The following OSER1 variants were observed in gnomAD, a reference collection of about 807,000 sequenced individuals.
OSER1 encodes oxidative stress-responsive serine-rich protein 1.
Under a neutral mutation model 26.3 loss-of-function variants are expected in OSER1, and 15 were observed. That is an observed-to-expected ratio of 0.57 (90% confidence interval 0.38 to 0.88). The LOEUF is 0.88. OSER1 is among the 40% of genes least tolerant of loss of function. The pLI, the probability that OSER1 is intolerant of heterozygous loss-of-function variation, is 0.00. For missense variants in OSER1, 313 were observed against 353.9 expected, an observed-to-expected ratio of 0.88 and a Z score of 0.93; for synonymous variants, 127 against 128.2, an observed-to-expected ratio of 0.99 and a Z score of 0.07.
At chr20:44,207,112 T>G (rs898734511) in intron 1 of OSER1, 114 bp from the exon 2 acceptor site, 37 of 564,164 alleles carry the variant, frequency 6.6e-5, no homozygotes, top group Non-Finnish European at 1.1e-4. Flanking sequence ...GAAGTTTCAG[T>G]GTAGATAACT....
At chr20:44,198,100 A>C (rs1292286048) in intron 3 of OSER1, among the ~76,000 whole-genome samples, 4 of 152,196 alleles carry the variant, frequency 2.6e-5, no homozygotes, top group African/African-American at 9.6e-5. Flanking sequence ...CGATCCTGTG[A>C]AGCCTAAATA....
Position 44,195,959 on chromosome 20 carries a change from G to A in OSER1, c.*1093C>T, listed in dbSNP as rs932500740. On this transcript the variant is annotated 3_prime_UTR_variant, in exon 4 of 4. Transcript: ENST00000255174. Reference sequence around the variant, plus strand: ...CGCAGTTTTAGTAAATAGTATAAATGTATTTTGTAATTTAAACAAAAGCTT... The same window carrying A: ...CGCAGTTTTAGTAAATAGTATAAATATATTTTGTAATTTAAACAAAAGCTT... Among the ~76,000 whole-genome samples the A allele has an allele frequency of 3.3e-5, 5 of 152,160 alleles. No homozygotes were observed. The highest frequency in any genetic ancestry group is 9.7e-5 in the African/African-American group (4 of 41,412).
intron 1 of OSER1, among the ~76,000 whole-genome samples, chr20:44,209,629 G>C (rs535407994): frequency 3.2e-4 from 48 of 152,254 alleles, no homozygotes; most frequent in African/African-American, 9.9e-4. Flanking sequence ...AATCACACCA[G>C]GCAATTTAAC....
intron 3 of OSER1, among the ~76,000 whole-genome samples, chr20:44,199,137 T>C (rs1207163051): frequency 6.6e-6 from 1 of 152,172 alleles, no homozygotes; most frequent in African/African-American, 2.4e-5. Context: ...ACGAAGTGCT[T>C]CTGCTGTGGT....
At chr20:44,204,232 T>G (rs2073017106) in intron 2 of OSER1, among the ~76,000 whole-genome samples, 1 of 152,218 alleles carries the variant, frequency 6.6e-6, no homozygotes, top group South Asian at 2.1e-4. Flanking sequence ...CAAATACCAC[T>G]AAGGAAAACC....
At chr20:44,202,929 G>T in intron 3 of OSER1, 32 bp downstream of exon 3, 1 of 1,200,346 alleles carries the variant, frequency 8.3e-7, no homozygotes, top group Non-Finnish European at 1.2e-6. Context: ...TATAATATTG[G>T]AATAAAAATC....
intron 3 of OSER1, among the ~76,000 whole-genome samples, chr20:44,201,145 G>A (rs1310292479): frequency 1.3e-5 from 2 of 152,202 alleles, no homozygotes; most frequent in African/African-American, 2.4e-5. Flanking sequence ...TGTGCTCTAA[G>A]CACTATGCTG....
intron 2 of OSER1, among the ~76,000 whole-genome samples, chr20:44,206,204 T>C (rs2073036682): frequency 6.6e-6 from 1 of 152,218 alleles, no homozygotes; most frequent in African/African-American, 2.4e-5. Context: ...TACTTGTGGG[T>C]GTTCTACTCT....
intron 1 of OSER1, among the ~76,000 whole-genome samples, chr20:44,209,841 T>A (rs1272245184): frequency 6.6e-6 from 1 of 151,932 alleles, no homozygotes; most frequent in Non-Finnish European, 1.5e-5. Flanking sequence ...CTAAGAACGA[T>A]CAAGAAGGGA....
rs1223702201 is a variant in OSER1, at chr20:44,196,202, T to C, written c.*850A>G. On this transcript the variant is annotated 3_prime_UTR_variant, in exon 4 of 4. Coordinates refer to ENST00000255174, the MANE Select transcript of OSER1 (RefSeq NM_016470.8). ...GGGATACAGAATGTACAAAATTCTC[T>C]TTTAGGGTTGCTGGGGTGACAGGGC... Among the ~76,000 whole-genome samples the C allele has an allele frequency of 6.6e-6, 1 of 151,988 alleles. No individual in the cohort carries two copies. The highest frequency in any genetic ancestry group is 6.6e-5 in the Admixed American group (1 of 15,238).
At chr20:44,210,856 C>G (rs1486693048), upstream of OSER1, 3 of 152,438 alleles carry the variant, frequency 2.0e-5, no homozygotes, top group African/African-American at 7.2e-5. Flanking sequence ...ACCCCTCCCC[C>G]TGCTTATGCT....
At chr20:44,209,293 C>T (rs2073072329) in intron 1 of OSER1, among the ~76,000 whole-genome samples, 1 of 152,204 alleles carries the variant, frequency 6.6e-6, no homozygotes, top group Non-Finnish European at 1.5e-5. Flanking sequence ...AAACCATTTT[C>T]AGACTTCCAG....
intron 1 of OSER1, among the ~76,000 whole-genome samples, chr20:44,208,946 A>G (rs1458987648): frequency 6.6e-6 from 1 of 152,192 alleles, no homozygotes; most frequent in Non-Finnish European, 1.5e-5. Flanking sequence ...GCAGAAATTC[A>G]TTTCTTTCAC....
At chr20:44,207,827 T>G (rs536922423) in intron 1 of OSER1, among the ~76,000 whole-genome samples, 1 of 152,298 alleles carries the variant, frequency 6.6e-6, no homozygotes, top group African/African-American at 2.4e-5. Context: ...CTCCATATTT[T>G]CCACCTGATT....
Position 44,210,728 on chromosome 20 carries a change from G to C in OSER1, c.-74C>G, listed in dbSNP as rs759301750. ...CAGCTGGGACGCTCCGGTGATGCGG[G>C]GCAGTCAGTTCAGAGCGTCTCTCCC... On this transcript the variant is annotated 5_prime_UTR_variant, in exon 1 of 4. Coordinates refer to ENST00000255174, the MANE Select transcript of OSER1 (RefSeq NM_016470.8). 1.3e-5 allele frequency: 2 copies of C among 152,380 alleles called. No individual in the cohort carries two copies. The highest frequency in any genetic ancestry group is 4.8e-5 in the African/African-American group (2 of 41,476). The allele number at this position is 152,380 out of a possible 1,614,324, so 9.4% of individuals were successfully genotyped here.
At chr20:44,202,886 T>G (rs920718943) in intron 3 of OSER1, 75 bp downstream of exon 3, 3 of 803,312 alleles carry the variant, frequency 3.7e-6, no homozygotes, top group African/African-American at 3.4e-5. Flanking sequence ...CTAACTCTTT[T>G]CTGGACACTC....
At chr20:44,210,002 A>T (rs1166886565) in intron 1 of OSER1, 3 of 152,372 alleles carry the variant, frequency 2.0e-5, no homozygotes, top group Non-Finnish European at 4.4e-5. Context: ...GACAAAAAGC[A>T]CATTCACACC....
chr20:44,198,242 C>T (rs2145919767), intron 3 of OSER1, among the ~76,000 whole-genome samples: 1 of 152,248 alleles, frequency 6.6e-6, no homozygotes, highest in African/African-American at 2.4e-5. Flanking sequence ...TCAATCAAAA[C>T]CAAAAAACTA....
At chr20:44,200,111 G>T (rs908051977) in intron 3 of OSER1, among the ~76,000 whole-genome samples, 1 of 152,168 alleles carries the variant, frequency 6.6e-6, no homozygotes, top group Non-Finnish European at 1.5e-5. Context: ...TAGACAAGCT[G>T]CACCACTGTC....
Sources: gnomAD v4.1 joint callset for allele counts (sites outside exome capture counted in the v4.1 genomes callset) on GRCh38, gnomAD v4.1.1 for gene constraint, MANE v1.5 for transcripts, NCBI Gene and HGNC (gene_info 2026-07-23, HGNC 2026-07-21) for gene names.